RBMS3: variants seen among roughly 807,000 people sequenced by gnomAD.
RBMS3 encodes the protein RNA-binding motif, single-stranded-interacting protein 3.
A neutral mutation model predicts 66.8 loss-of-function variants in RBMS3; 27 were observed. The ratio of observed to expected loss-of-function variants is 0.40; its 90% CI spans 0.30 to 0.56. The LOEUF (loss-of-function observed/expected upper bound fraction) is 0.56. Ranked by LOEUF, RBMS3 falls within the 20% of genes least tolerant of loss-of-function variation. The probability of loss-of-function intolerance (pLI) is 0.40; values close to 1 mark genes in which losing one functional copy is unlikely to be tolerated. For synonymous variants in RBMS3, 188 were observed against 183.0 expected (o/e 1.03, Z -0.22); for missense variants, 513 against 549.5 (o/e 0.93, Z 0.66).
chr3:29,762,406 T>A (rs1245385249), intron 5 of RBMS3, among the ~76,000 whole-genome samples: 6 of 152,172 alleles, frequency 3.9e-5, no homozygotes, highest in Non-Finnish European at 7.4e-5. Context: ...CAACCTCTTT[T>A]GTGAAATCCA....
intron 1 of RBMS3, among the ~76,000 whole-genome samples, chr3:29,370,568 T>G (rs1279412878): frequency 6.6e-6 from 1 of 152,238 alleles, no homozygotes; most frequent in African/African-American, 2.4e-5. Context: ...CATCCACTTG[T>G]GAGACTCTTA....
chr3:29,825,950 C>T (rs1430882067), intron 6 of RBMS3, among the ~76,000 whole-genome samples: 5 of 152,090 alleles, frequency 3.3e-5, no homozygotes, highest in African/African-American at 1.2e-4. Context: ...ATGTAGTAAA[C>T]ATCCAGTGTT....
chr3:29,654,580 C>G (rs2050258015), intron 4 of RBMS3, among the ~76,000 whole-genome samples: 1 of 118,666 alleles, frequency 8.4e-6, no homozygotes, highest in Non-Finnish European at 1.8e-5. Flanking sequence ...GTGTATTGGG[C>G]ATGTATTTGA....
chr3:29,874,954 A>C (rs1029668082), intron 7 of RBMS3, among the ~76,000 whole-genome samples: 1 of 152,148 alleles, frequency 6.6e-6, no homozygotes, highest in Non-Finnish European at 1.5e-5. Flanking sequence ...CTATGTTCTC[A>C]AGGAATAGGG....
At chr3:29,975,653 C>T (rs536172691) in intron 12 of RBMS3, among the ~76,000 whole-genome samples, 2 of 151,844 alleles carry the variant, frequency 1.3e-5, no homozygotes, top group Admixed American at 1.3e-4. Flanking sequence ...ATAGTGAGAT[C>T]CCTTGTAGTC....
chr3:29,447,480 A>G (rs1418717673), intron 2 of RBMS3, among the ~76,000 whole-genome samples: 5 of 152,146 alleles, frequency 3.3e-5, no homozygotes, highest in Admixed American at 6.5e-5. Flanking sequence ...AAACCTATCA[A>G]TTTTTAGCTG....
intron 6 of RBMS3, among the ~76,000 whole-genome samples, chr3:29,781,114 C>T (rs538856181): frequency 7.2e-6 from 1 of 139,088 alleles, no homozygotes; most frequent in Non-Finnish European, 1.6e-5. Flanking sequence ...ATCCCTCCCC[C>T]CTCCCCCGAG....
At chr3:29,580,009 A>G (rs983845896) in intron 3 of RBMS3, among the ~76,000 whole-genome samples, 33 of 152,294 alleles carry the variant, frequency 2.2e-4, no homozygotes, top group African/African-American at 7.5e-4. Context: ...GAGTTTTGGG[A>G]TTTGAATTTG....
intron 1 of RBMS3, among the ~76,000 whole-genome samples, chr3:29,297,253 A>T (rs964832147): frequency 6.6e-6 from 1 of 151,864 alleles, no homozygotes; most frequent in African/African-American, 2.4e-5. Flanking sequence ...GATCAATATT[A>T]GACTAATAGT....
chr3:29,436,899 C>A (rs1214771551), intron 2 of RBMS3, among the ~76,000 whole-genome samples: 1 of 152,334 alleles, frequency 6.6e-6, no homozygotes, highest in Admixed American at 6.5e-5. Context: ...CCAACTATTT[C>A]TATTGTATAA....
chr3:29,543,659 G>A (rs1285057390), intron 3 of RBMS3, among the ~76,000 whole-genome samples: 2 of 152,156 alleles, frequency 1.3e-5, no homozygotes, highest in African/African-American at 4.8e-5. Context: ...GCAGTGAACT[G>A]AGATTGTACC....
intron 4 of RBMS3, among the ~76,000 whole-genome samples, chr3:29,735,578 G>C (rs547851589): frequency 1.3e-5 from 2 of 152,248 alleles, no homozygotes; most frequent in South Asian, 4.1e-4. Context: ...TTCAATGACT[G>C]TGTGTAGAAT....
At chr3:29,528,626 C>T (rs896946945) in intron 3 of RBMS3, among the ~76,000 whole-genome samples, 2 of 152,176 alleles carry the variant, frequency 1.3e-5, no homozygotes, top group African/African-American at 4.8e-5. Context: ...TTTATGCTTA[C>T]TCCAGAATTT....
chr3:29,630,808 G>A (rs1208950972), intron 4 of RBMS3, among the ~76,000 whole-genome samples: 1 of 151,886 alleles, frequency 6.6e-6, no homozygotes, highest in Non-Finnish European at 1.5e-5. Flanking sequence ...TTTAGAAAAT[G>A]TTTAAGTTGG....
chr3:29,319,755 T>C (rs1206693635), intron 1 of RBMS3, among the ~76,000 whole-genome samples: 3 of 152,040 alleles, frequency 2.0e-5, no homozygotes, highest in Non-Finnish European at 4.4e-5. Context: ...CTGGGCAGTA[T>C]TCTCCCAGAT....
intron 4 of RBMS3, among the ~76,000 whole-genome samples, chr3:29,683,415 T>C (rs1359030010): frequency 3.3e-5 from 5 of 152,176 alleles, no homozygotes. Context: ...ATAAATGTGC[T>C]GCCAAATTGA....
chr3:29,594,799 A>G (rs1401600120), intron 4 of RBMS3, among the ~76,000 whole-genome samples: 3 of 152,174 alleles, frequency 2.0e-5, no homozygotes, highest in African/African-American at 7.2e-5. Context: ...TCTTAATCCT[A>G]TTCATTAATT....
chr3:29,942,307 T>A (rs995780079), intron 11 of RBMS3, among the ~76,000 whole-genome samples: 2 of 151,610 alleles, frequency 1.3e-5, no homozygotes, highest in Non-Finnish European at 3.0e-5. Flanking sequence ...TTGCTTGAGG[T>A]CAGGAGTTGG....
chr3:29,435,730 G>C (rs2041373432), intron 2 of RBMS3, among the ~76,000 whole-genome samples: 1 of 152,010 alleles, frequency 6.6e-6, no homozygotes, highest in Admixed American at 6.6e-5. Flanking sequence ...ACAAGGTCAG[G>C]AGATCGAGAC....
Sources: gnomAD v4.1 joint callset for allele counts (sites outside exome capture counted in the v4.1 genomes callset) on GRCh38, gnomAD v4.1.1 for gene constraint, MANE v1.5 for transcripts, NCBI Gene and HGNC (gene_info 2026-07-23, HGNC 2026-07-21) for gene names.